The following ASIC2 variants were observed in gnomAD, a reference collection of about 807,000 sequenced individuals.
The protein encoded by ASIC2 is acid sensing ion channel subunit 2, also known as acid-sensing ion channel 2.
ASIC2 carries 25 observed loss-of-function variants against 57.3 expected under a neutral mutation model. That is an observed-to-expected ratio of 0.44 (90% CI 0.32 to 0.61). The LOEUF is 0.61. Ranked by LOEUF, ASIC2 falls within the 20% of genes least tolerant of loss-of-function variation. The probability of loss-of-function intolerance (pLI) is 0.06; values close to 1 mark genes in which losing one functional copy is unlikely to be tolerated. For synonymous variants in ASIC2, 319 were observed against 307.5 expected, an observed-to-expected ratio of 1.04 and a Z score of -0.39; for missense variants, 641 against 738.1, an observed-to-expected ratio of 0.87 and a Z score of 1.52.
At chr17:33,689,325 C>A (rs538706512) in intron 1 of ASIC2, among the ~76,000 whole-genome samples, 1 of 152,280 alleles carries the variant, frequency 6.6e-6, no homozygotes, top group Non-Finnish European at 1.5e-5. Context: ...CCCACCTCGG[C>A]CTCCCAAGTA....
chr17:33,061,839 G>T (rs1054827232), intron 3 of ASIC2, among the ~76,000 whole-genome samples: 21 of 152,212 alleles, frequency 1.4e-4, no homozygotes, highest in African/African-American at 3.9e-4. Flanking sequence ...CAATTTCAGA[G>T]CCTGTTATTG....
chr17:33,030,047 A>G (rs1477884725), intron 3 of ASIC2, among the ~76,000 whole-genome samples: 2 of 152,204 alleles, frequency 1.3e-5, no homozygotes, highest in East Asian at 1.9e-4. Flanking sequence ...TGTATTGTAA[A>G]TATTTTGTCC....
chr17:33,840,816 C>CAT, intron 1 of ASIC2, among the ~76,000 whole-genome samples: 1 of 152,166 alleles, frequency 6.6e-6, no homozygotes, highest in East Asian at 1.9e-4. Context: ...CACACACACA[C>CAT]ACACACACAG....
intron 1 of ASIC2, among the ~76,000 whole-genome samples, chr17:33,662,629 A>AAATG (rs1473192494): frequency 5.1e-3 from 346 of 67,828 alleles, no homozygotes; most frequent in African/African-American, 0.023. Context: ...TCTCAAAAAT[A>AAATG]AATAAATAAA....
intron 1 of ASIC2, among the ~76,000 whole-genome samples, chr17:33,176,150 C>T (rs571577813): frequency 5.3e-5 from 8 of 152,182 alleles, no homozygotes; most frequent in African/African-American, 7.2e-5. Flanking sequence ...AGAATCTCCA[C>T]TCTCTAACCC....
At chr17:33,265,003 C>T (rs767132594) in intron 1 of ASIC2, among the ~76,000 whole-genome samples, 4 of 152,358 alleles carry the variant, frequency 2.6e-5, no homozygotes, top group Non-Finnish European at 4.4e-5. Flanking sequence ...TGGCTGTGGC[C>T]ACCTTCACTG....
chr17:33,364,993 T>G (rs1168931739), intron 1 of ASIC2, among the ~76,000 whole-genome samples: 1 of 152,190 alleles, frequency 6.6e-6, no homozygotes, highest in African/African-American at 2.4e-5. Context: ...TAAAACCCAG[T>G]CATGGGCCTT....
chr17:34,033,543 A>C (rs1199804064), intron 1 of ASIC2, among the ~76,000 whole-genome samples: 1 of 152,210 alleles, frequency 6.6e-6, no homozygotes, highest in Non-Finnish European at 1.5e-5. Flanking sequence ...ATAGAGACAC[A>C]AAAAACCCTT....
At chr17:33,703,671 T>C (rs1020816041) in intron 1 of ASIC2, among the ~76,000 whole-genome samples, 3 of 152,156 alleles carry the variant, frequency 2.0e-5, no homozygotes, top group South Asian at 4.1e-4. Flanking sequence ...ATAATACTAA[T>C]ATATAATCTC....
chr17:33,674,711 A>G (rs1907754983), intron 1 of ASIC2, among the ~76,000 whole-genome samples: 1 of 152,192 alleles, frequency 6.6e-6, no homozygotes, highest in Admixed American at 6.5e-5. Flanking sequence ...AAACAAATCC[A>G]TGCCGCTCGT....
chr17:33,140,650 G>T (rs1019609851), intron 1 of ASIC2, among the ~76,000 whole-genome samples: 1 of 152,252 alleles, frequency 6.6e-6, no homozygotes, highest in Middle Eastern at 3.2e-3. Flanking sequence ...CACATGGTGT[G>T]TTTGGACTGA....
chr17:33,691,776 C>T (rs1194227116), intron 1 of ASIC2, among the ~76,000 whole-genome samples: 1 of 152,054 alleles, frequency 6.6e-6, no homozygotes, highest in Non-Finnish European at 1.5e-5. Context: ...GGAAGGTTTT[C>T]CACATTAACA....
At chr17:33,825,427 C>A (rs1259700585) in intron 1 of ASIC2, among the ~76,000 whole-genome samples, 1 of 152,184 alleles carries the variant, frequency 6.6e-6, no homozygotes, top group Non-Finnish European at 1.5e-5. Flanking sequence ...TCCTGTGACA[C>A]AATCATCATT....
chr17:33,168,195 G>A (rs1377765125), intron 1 of ASIC2, among the ~76,000 whole-genome samples: 2 of 152,182 alleles, frequency 1.3e-5, no homozygotes, highest in African/African-American at 4.8e-5. Context: ...TCAGAACTGG[G>A]AGCGAAATAA....
At chr17:33,211,476 G>A (rs1907269503) in intron 1 of ASIC2, among the ~76,000 whole-genome samples, 1 of 150,560 alleles carries the variant, frequency 6.6e-6, no homozygotes, top group South Asian at 2.1e-4. Flanking sequence ...CCAGGGATCT[G>A]AGGAAAGTAA....
rs112547047 is a variant in ASIC2, at chr17:33,863,264, G to A, written c.555+292714C>T. ...TGATGGAGAGAAGACTTTATCAGGT[G>A]GCTCCTAAAAGGGATGGAATGAGTA... is the stretch of plus-strand genomic sequence containing the variant. On this transcript the variant is annotated intron_variant, in intron 1 of 9. Transcript: ENST00000359872. Among the ~76,000 whole-genome samples the A allele has an allele frequency of 7.0e-4, 107 of 152,352 alleles. 1 individual carries two copies. Among genetic ancestry groups the A allele is most frequent in the African/African-American group, 2.5e-3 (106 of 41,592 alleles).
At chr17:33,424,212 T>C (rs1911139319) in intron 1 of ASIC2, among the ~76,000 whole-genome samples, 1 of 152,064 alleles carries the variant, frequency 6.6e-6, no homozygotes, top group African/African-American at 2.4e-5. Flanking sequence ...CCCCCAAGGG[T>C]TATACGTTTC....
chr17:33,033,984 G>A (rs1031305837), intron 3 of ASIC2, among the ~76,000 whole-genome samples: 19 of 152,090 alleles, frequency 1.2e-4, no homozygotes, highest in Non-Finnish European at 2.1e-4. Context: ...TAGCGGAGAC[G>A]ATGAGATGAT....
At chr17:33,700,796 C>T (rs1908674479) in intron 1 of ASIC2, among the ~76,000 whole-genome samples, 1 of 152,130 alleles carries the variant, frequency 6.6e-6, no homozygotes. Context: ...GAGCATATGA[C>T]CAGAACCGGA....
Sources: allele counts gnomAD v4.1 joint callset (sites outside exome capture counted in the v4.1 genomes callset), GRCh38; gene constraint gnomAD v4.1.1; transcripts MANE v1.5; gene names NCBI Gene and HGNC (gene_info 2026-07-23, HGNC 2026-07-21).